LIPA: variants seen among roughly 807,000 people sequenced by gnomAD.
LIPA encodes lipase A, lysosomal acid type.
A neutral mutation model predicts 40.6 loss-of-function variants in LIPA; 26 were observed. The observed-to-expected ratio is 0.64, with a 90% CI of 0.47 to 0.89. The LOEUF is 0.89. Ranked by LOEUF, LIPA falls within the 40% of genes least tolerant of loss-of-function variation. LIPA has a pLI of 0.00. For missense variants in LIPA, 455 were observed against 479.6 expected, an observed-to-expected ratio of 0.95 and a Z score of 0.48; for synonymous variants, 188 against 168.4, an observed-to-expected ratio of 1.12 and a Z score of -0.90.
At chr10:89,272,345 G>C (rs1447561028) in intron 1 of LIPA, among the ~76,000 whole-genome samples, 1 of 152,026 alleles carries the variant, frequency 6.6e-6, no homozygotes, top group African/African-American at 2.4e-5. Context: ...GAGAACATGC[G>C]GTATTTGGTT....
At chr10:89,314,375 AATGTGAATTTAT>A in intron 1 of LIPA, among the ~76,000 whole-genome samples, 1 of 152,274 alleles carries the variant, frequency 6.6e-6, no homozygotes, top group African/African-American at 2.4e-5. Flanking sequence ...GTTTAAGAAT[AATGTGAATTTAT>A]GCCCGAGCGC....
chr10:89,324,788 T>G (rs1843590312), intron 1 of LIPA, among the ~76,000 whole-genome samples: 1 of 152,220 alleles, frequency 6.6e-6, no homozygotes. Flanking sequence ...TTTGGTTTTC[T>G]GTCCTTTGTG....
intron 1 of LIPA, chr10:89,285,077 C>A (rs1200969730): frequency 7.1e-6 from 1 of 141,646 alleles, no homozygotes; most frequent in African/African-American, 2.6e-5. Flanking sequence ...ATTGCTCACA[C>A]AAAGCCTGTT....
intron 2 of LIPA, among the ~76,000 whole-genome samples, chr10:89,377,369 TG>T (rs1844129324): frequency 6.6e-6 from 1 of 152,240 alleles, no homozygotes; most frequent in Non-Finnish European, 1.5e-5. Context: ...GTTTCTCTAC[TG>T]ACCAGCTCAA....
At chr10:89,414,490 G>C (rs1292403936) in exon 1 of LIPA, 2 of 368,382 alleles carry the variant, frequency 5.4e-6, no homozygotes, top group Admixed American at 4.8e-5. Context: ...CTCCGCAAAC[G>C]TCTGGCCGCG....
At chr10:89,312,416 G>A (rs1843521402) in intron 1 of LIPA, among the ~76,000 whole-genome samples, 1 of 151,916 alleles carries the variant, frequency 6.6e-6, no homozygotes, top group African/African-American at 2.4e-5. Flanking sequence ...ACTACAGCCT[G>A]GGCAACACAG....
chr10:89,225,911 C>T (rs1401147311), intron 5 of LIPA, among the ~76,000 whole-genome samples: 1 of 152,156 alleles, frequency 6.6e-6, no homozygotes, highest in Non-Finnish European at 1.5e-5. Context: ...TTGTCTGCCA[C>T]CATGTAAGAT....
At chr10:89,356,885 T>C (rs1037094173) in intron 2 of LIPA, among the ~76,000 whole-genome samples, 13 of 152,146 alleles carry the variant, frequency 8.5e-5, no homozygotes, top group Non-Finnish European at 1.5e-4. Context: ...GTTCACAATA[T>C]ATAGGTAAGA....
At chr10:89,302,820 T>C (rs1401003179) in intron 1 of LIPA, among the ~76,000 whole-genome samples, 3 of 152,110 alleles carry the variant, frequency 2.0e-5, no homozygotes, top group Non-Finnish European at 4.4e-5. Context: ...AGGGAAATAT[T>C]TTCTCCAGTT....
At chr10:89,383,622 G>C in intron 2 of LIPA, 1 of 1,614,176 alleles carries the variant, frequency 6.2e-7, no homozygotes, top group South Asian at 1.1e-5. Context: ...ACTTTGCCTG[G>C]GTGTATTACC....
upstream of LIPA, among the ~76,000 whole-genome samples, chr10:89,347,548 TG>T (rs1472617936): frequency 6.6e-6 from 1 of 152,236 alleles, no homozygotes; most frequent in Non-Finnish European, 1.5e-5. Context: ...TAACTCTGCA[TG>T]GTCCATCCCC....
At position 89,250,107 on chromosome 10, in the gene LIPA, C is replaced by CTTTTTTTTTTTTTTTTTTTT. The variant is rs398038546; in HGVS notation, c.-2+1629_-2+1630insAAAAAAAAAAAAAAAAAAAA. 1.9e-3 allele frequency among the ~76,000 whole-genome samples: 183 copies of CTTTTTTTTTTTTTTTTTTTT among 96,020 alleles called. 4 individuals carry two copies. The highest frequency in any genetic ancestry group is 2.3e-3 in the Non-Finnish European group (120 of 51,276). The allele number at this position is 96,020 out of a possible 152,430, so 63.0% of individuals were successfully genotyped here. A position where few individuals can be genotyped will look rare whatever the true frequency, so the allele number is the denominator to read the frequency against. ...TTTTTCTTTTTCTTTTCTTTTCTTT[C>CTTTTTTTTTTTTTTTTTTTT]TTTTTTTTTTTTGAGACAGTCTTGC... On this transcript the variant is annotated intron_variant, in intron 1 of 9. Coordinates refer to ENST00000336233, the MANE Select transcript of LIPA (RefSeq NM_000235.4).
At chr10:89,402,414 G>C (rs1450004626) in intron 2 of LIPA, 1 of 1,614,202 alleles carries the variant, frequency 6.2e-7, no homozygotes, top group Non-Finnish European at 8.5e-7. Context: ...TGAATTCCTA[G>C]ACACCAAATA....
intron 2 of LIPA, among the ~76,000 whole-genome samples, chr10:89,382,123 T>A (rs1379385269): frequency 1.3e-5 from 2 of 152,164 alleles, no homozygotes; most frequent in African/African-American, 2.4e-5. Context: ...TCATCCATTT[T>A]TTGTGATTAG....
At chr10:89,413,322 A>G (rs1410997864) in intron 1 of LIPA, among the ~76,000 whole-genome samples, 3 of 152,210 alleles carry the variant, frequency 2.0e-5, no homozygotes, top group African/African-American at 4.8e-5. Context: ...TTTCTGTATA[A>G]GACAGTACAA....
chr10:89,226,678 T>C (rs943076944), intron 5 of LIPA, among the ~76,000 whole-genome samples: 1 of 152,252 alleles, frequency 6.6e-6, no homozygotes, highest in Non-Finnish European at 1.5e-5. Flanking sequence ...TGTAATATAT[T>C]GTGGCTTACA....
At chr10:89,279,755 C>T (rs1176276878) in intron 1 of LIPA, among the ~76,000 whole-genome samples, 2 of 152,178 alleles carry the variant, frequency 1.3e-5, no homozygotes, top group Non-Finnish European at 2.9e-5. Flanking sequence ...GGCCTATACA[C>T]ACTGTACTTA....
intron 2 of LIPA, chr10:89,406,032 T>C (rs1444505674): frequency 6.6e-6 from 1 of 152,218 alleles, no homozygotes. Flanking sequence ...CTTAAGAAGG[T>C]AGGACAGAGA....
At chr10:89,393,076 C>A in intron 2 of LIPA, 3 of 1,185,494 alleles carry the variant, frequency 2.5e-6, no homozygotes, top group Non-Finnish European at 3.3e-6. Context: ...GAATGGACAG[C>A]TTGTCTGAGT....
Sources: gnomAD v4.1 joint callset for allele counts (sites outside exome capture counted in the v4.1 genomes callset) on GRCh38, gnomAD v4.1.1 for gene constraint, MANE v1.5 for transcripts, NCBI Gene and HGNC (gene_info 2026-07-23, HGNC 2026-07-21) for gene names.